PCDH15: variants seen among roughly 807,000 people sequenced by gnomAD.
PCDH15 encodes protocadherin related 15, also known as protocadherin-15.
A neutral mutation model predicts 178.5 loss-of-function variants in PCDH15; 129 were observed. That is an observed-to-expected ratio of 0.72 (90% CI 0.63 to 0.84). The LOEUF is 0.84. Among genes scored for constraint, PCDH15 ranks in the 40% least tolerant of loss-of-function variants. The pLI, the probability that PCDH15 is intolerant of heterozygous loss-of-function variation, is 0.00. For synonymous variants in PCDH15, 800 were observed against 732.0 expected (o/e 1.09, Z -1.50); for missense variants, 2,230 against 2,099.9 (o/e 1.06, Z -1.21).
At chr10:54,971,234 G>A (rs1255255665) in intron 2 of PCDH15, among the ~76,000 whole-genome samples, 1 of 152,240 alleles carries the variant, frequency 6.6e-6, no homozygotes, top group East Asian at 1.9e-4. Context: ...GTTTTAAGAG[G>A]TGGGGCCTTG....
At chr10:54,462,516 T>TC (rs2077247362) in intron 3 of PCDH15, among the ~76,000 whole-genome samples, 14 of 118,572 alleles carry the variant, frequency 1.2e-4, no homozygotes, top group South Asian at 3.0e-4. Context: ...TCTTTTCTTT[T>TC]TTTTTTTTTT....
intron 2 of PCDH15, among the ~76,000 whole-genome samples, chr10:55,530,673 C>T (rs2132063058): frequency 6.6e-6 from 1 of 151,968 alleles, no homozygotes; most frequent in East Asian, 1.9e-4. Context: ...ATATAAACAT[C>T]ATTTATTTTC....
chr10:54,672,016 C>T (rs1450527195), intron 1 of PCDH15, among the ~76,000 whole-genome samples: 1 of 152,056 alleles, frequency 6.6e-6, no homozygotes, highest in Non-Finnish European at 1.5e-5. Flanking sequence ...GCATTGGATT[C>T]TCATAGGAGG....
chr10:54,242,065 G>T (rs1381294705), intron 8 of PCDH15, among the ~76,000 whole-genome samples: 1 of 143,148 alleles, frequency 7.0e-6, no homozygotes, highest in Non-Finnish European at 1.5e-5. Flanking sequence ...GTGAGTGAGG[G>T]TTAATTATGC....
At chr10:54,021,350 T>C (rs1419494813) in intron 19 of PCDH15, among the ~76,000 whole-genome samples, 1 of 152,018 alleles carries the variant, frequency 6.6e-6, no homozygotes, top group African/African-American at 2.4e-5. Flanking sequence ...AACCTCAGCC[T>C]TGGTCTCCTC....
chr10:54,924,020 TA>T (rs1254382291), intron 2 of PCDH15, among the ~76,000 whole-genome samples: 1 of 135,872 alleles, frequency 7.4e-6, no homozygotes, highest in Non-Finnish European at 1.7e-5. Flanking sequence ...GTCCTTTATA[TA>T]AAAAAAGAGA....
intron 2 of PCDH15, among the ~76,000 whole-genome samples, chr10:55,145,262 A>C (rs1389624505): frequency 6.6e-6 from 1 of 152,038 alleles, no homozygotes; most frequent in African/African-American, 2.4e-5. Flanking sequence ...AAGCTTGCAG[A>C]GGGGCATGCT....
intron 1 of PCDH15, among the ~76,000 whole-genome samples, chr10:55,295,193 C>T (rs572789176): frequency 6.6e-6 from 1 of 152,318 alleles, no homozygotes; most frequent in African/African-American, 2.4e-5. Flanking sequence ...AATCTAGTCT[C>T]AATTATACTT....
intron 18 of PCDH15, among the ~76,000 whole-genome samples, chr10:54,056,011 C>T (rs2093878507): frequency 6.6e-6 from 1 of 152,150 alleles, no homozygotes; most frequent in South Asian, 2.1e-4. Flanking sequence ...CTGACTGTTA[C>T]ACATTAGCAT....
intron 20 of PCDH15, among the ~76,000 whole-genome samples, chr10:54,008,384 G>A (rs771375106): frequency 6.6e-6 from 1 of 152,078 alleles, no homozygotes; most frequent in Non-Finnish European, 1.5e-5. Flanking sequence ...GAAGCGTTAA[G>A]TAATACCCCC....
At chr10:53,918,270 C>T (rs1346592854) in intron 25 of PCDH15, among the ~76,000 whole-genome samples, 1 of 152,104 alleles carries the variant, frequency 6.6e-6, no homozygotes, top group African/African-American at 2.4e-5. Context: ...TAGGTATTTT[C>T]ATTCTGCTTT....
rs571750659 is a variant in PCDH15 at position 54,238,305 on chromosome 10, G to A, written c.877-1374C>T. On this transcript the variant is annotated intron_variant, in intron 8 of 37. Coordinates refer to ENST00000644397, the MANE Select transcript of PCDH15 (RefSeq NM_001384140.1). ...TCAGTTCTCAGCAAAAATGTATAGT[G>A]ATGGCATGCTAAAAAAAGAGCAATG... 3.9e-5 allele frequency among the ~76,000 whole-genome samples: 6 copies of A among 152,052 alleles called. No individual in the cohort carries two copies. In the South Asian group the frequency reaches 1.2e-3, roughly 32 times the overall value.
rs189408312 is a variant in PCDH15 at position 54,384,695 on chromosome 10, T to G, written c.158-5753A>C. Among the ~76,000 whole-genome samples, 607 of 152,288 alleles carry G rather than the reference T, an allele frequency of 4.0e-3. 4 individuals are homozygous for G. Among genetic ancestry groups the G allele is most frequent in the Non-Finnish European group, 5.6e-3 (380 of 67,980 alleles). On this transcript the variant is annotated intron_variant, in intron 3 of 37. Transcript: ENST00000644397. ...TAAGTTTGTTAAGCTTATGAGTTAATAGAACTTTAATCACAGAACAAATTA... is the reference window on the plus strand; with the variant it reads ...TAAGTTTGTTAAGCTTATGAGTTAAGAGAACTTTAATCACAGAACAAATTA...
At chr10:53,822,945 ATCTCTGG>A in intron 32 of PCDH15, 1 of 1,613,878 alleles carries the variant, frequency 6.2e-7, no homozygotes, top group Non-Finnish European at 8.5e-7. Context: ...CAGATCTATG[ATCTCTGG>A]TCTATTTGGA....
intron 2 of PCDH15, among the ~76,000 whole-genome samples, chr10:55,367,452 G>A (rs1340789446): frequency 2.0e-5 from 3 of 151,950 alleles, no homozygotes; most frequent in Non-Finnish European, 2.9e-5. Context: ...ATGGTGCTGC[G>A]TGCCTGGAGT....
intron 2 of PCDH15, among the ~76,000 whole-genome samples, chr10:55,120,978 G>A (rs1837752549): frequency 6.6e-6 from 1 of 152,162 alleles, no homozygotes; most frequent in African/African-American, 2.4e-5. Context: ...CCTTTCCAAT[G>A]TTTAATAGAG....
chr10:54,689,679 T>C (rs536333341), intron 1 of PCDH15, among the ~76,000 whole-genome samples: 3 of 152,264 alleles, frequency 2.0e-5, no homozygotes, highest in East Asian at 1.9e-4. Context: ...AAATATCAAA[T>C]ACTATTTGCA....
intron 3 of PCDH15, among the ~76,000 whole-genome samples, chr10:54,896,221 C>A (rs781640381): frequency 6.6e-6 from 1 of 152,056 alleles, no homozygotes; most frequent in Admixed American, 6.6e-5. Context: ...AACATAAATG[C>A]AAATCAGTTA....
At chr10:53,994,787 A>G (rs1312126701) in intron 21 of PCDH15, 1 of 152,130 alleles carries the variant, frequency 6.6e-6, no homozygotes, top group Admixed American at 6.5e-5. Flanking sequence ...GTCCAAATCG[A>G]AGCTGAAAAA....
Sources: gnomAD v4.1 joint callset for allele counts (sites outside exome capture counted in the v4.1 genomes callset) on GRCh38, gnomAD v4.1.1 for gene constraint, MANE v1.5 for transcripts, NCBI Gene and HGNC (gene_info 2026-07-23, HGNC 2026-07-21) for gene names.